Variants in SUPT20H observed in about 807,000 individuals in gnomAD.
The protein encoded by SUPT20H is transcription factor SPT20 homolog.
SUPT20H carries 82 observed loss-of-function variants against 122.8 expected under a neutral mutation model. The ratio of observed to expected loss-of-function variants is 0.67; its 90% CI spans 0.56 to 0.80. The LOEUF (loss-of-function observed/expected upper bound fraction) is 0.80. Ranked by LOEUF, SUPT20H falls within the 30% of genes least tolerant of loss-of-function variation. SUPT20H has a pLI of 0.00. For missense variants in SUPT20H, 831 were observed against 921.6 expected, an observed-to-expected ratio of 0.90 and a Z score of 1.27; for synonymous variants, 291 against 313.0, an observed-to-expected ratio of 0.93 and a Z score of 0.74.
rs530281657 is a variant in SUPT20H at position 37,031,640 on chromosome 13, A to C, written c.865-17T>G. On this transcript the variant is annotated splice_polypyrimidine_tract_variant and intron_variant, in intron 11 of 25. Transcript: ENST00000350612. ...ATCTACACACTGAAAAATTAAAAAC[A>C]ATATACTGAAAAATTAAAAACAATA... The C allele has an allele frequency of 6.4e-7, 1 of 1,555,840 alleles. No individual in the cohort carries two copies. Among genetic ancestry groups the C allele is most frequent in the African/African-American group, 1.4e-5 (1 of 72,162 alleles).
Position 37,012,261 on chromosome 13 carries a change from A to T in SUPT20H, c.2029T>A (p.Leu677Ile). 2 of 1,613,560 alleles carry T rather than the reference A, an allele frequency of 1.2e-6. No homozygotes were observed. Among genetic ancestry groups the T allele is most frequent in the South Asian group, 2.2e-5 (2 of 91,066 alleles). The change falls in exon 24 of 26, where the codon TTA becomes ATA. Residue 677 changes from leucine to isoleucine, a missense_variant. By Grantham distance (5) the Leu-to-Ile change is conservative. Coordinates refer to ENST00000350612, the MANE Select transcript of SUPT20H (RefSeq NM_001014286.3). ...EQGSTSQEQA[L>I]SAQQAAVINL... is the part of the protein sequence containing the mutation. ...ATAACAGCAGCTTGCTGAGCAGATAAGGCCTGTTCTTGACTGGTTGAACCT... is the reference window on the plus strand; with the variant it reads ...ATAACAGCAGCTTGCTGAGCAGATATGGCCTGTTCTTGACTGGTTGAACCT...
intron 13 of SUPT20H, 33 bp from the exon 14 acceptor site, chr13:37,028,338 T>A: frequency 6.3e-7 from 1 of 1,580,388 alleles, no homozygotes; most frequent in Non-Finnish European, 8.6e-7. Flanking sequence ...AATAAATACC[T>A]TCACAAGTAG....
intron 17 of SUPT20H, 143 bp downstream of exon 17, chr13:37,025,177 G>A (rs2062035720): frequency 2.9e-6 from 2 of 701,558 alleles, no homozygotes; most frequent in Non-Finnish European, 5.1e-6. Context: ...CCCGACCTCA[G>A]GTGATCCACC....
intron 10 of SUPT20H, among the ~76,000 whole-genome samples, chr13:37,032,524 AAGCAGAAACCCATT>A (rs1297391451): frequency 1.3e-5 from 2 of 152,172 alleles, no homozygotes; most frequent in Non-Finnish European, 2.9e-5. Flanking sequence ...TGCCTTGCTG[AAGCAGAAACCCATT>A]AGCAGAAACC....
At chr13:37,037,136 G>T (rs1395474848) in intron 9 of SUPT20H, among the ~76,000 whole-genome samples, 1 of 149,702 alleles carries the variant, frequency 6.7e-6, no homozygotes, top group Non-Finnish European at 1.5e-5. Flanking sequence ...GGCAGAGATT[G>T]CAGTGAGCTG....
intron 9 of SUPT20H, chr13:37,038,296 C>A (rs1310940593): frequency 6.6e-6 from 1 of 152,044 alleles, no homozygotes; most frequent in Non-Finnish European, 1.5e-5. Context: ...TTCTTTTGCA[C>A]CTATTAGCTG....
chr13:37,022,542 T>C lies in SUPT20H; in HGVS notation c.1592-462A>G, dbSNP rs901328497. The C allele has an allele frequency of 5.1e-5, 62 of 1,217,716 alleles. No individual in the cohort carries two copies. Among genetic ancestry groups the C allele is most frequent in the Non-Finnish European group, 6.1e-5 (60 of 979,204 alleles). The allele number at this position is 1,217,716 out of a possible 1,614,324, so 75.4% of individuals were successfully genotyped here. A position where few individuals can be genotyped will look rare whatever the true frequency, so the allele number is the denominator to read the frequency against. On this transcript the variant is annotated intron_variant, in intron 19 of 25. Coordinates refer to ENST00000350612, the MANE Select transcript of SUPT20H (RefSeq NM_001014286.3). This position sits in a 1 kb window ranked among gnomAD's most constrained non-coding sequence, Gnocchi z 4.5. Reference sequence around the variant, plus strand: ...CTAAAAATCCCATTAAAGATGCTATTGCAGTAACAGTAAAAATATACAGTT... The same window carrying C: ...CTAAAAATCCCATTAAAGATGCTATCGCAGTAACAGTAAAAATATACAGTT...
At chr13:37,025,083 A>C in intron 17 of SUPT20H, 1 of 396,336 alleles carries the variant, frequency 2.5e-6, no homozygotes, top group Non-Finnish European at 4.8e-6. Flanking sequence ...CTGGGATTAC[A>C]GGTGTGTGCC....
At chr13:37,046,149 TACAG>T (rs1001080486) in intron 5 of SUPT20H, among the ~76,000 whole-genome samples, 2 of 152,068 alleles carry the variant, frequency 1.3e-5, no homozygotes, top group Non-Finnish European at 2.9e-5. Flanking sequence ...CATACACACA[TACAG>T]AAAGAAGTGA....
Position 37,057,934 on chromosome 13 carries a change from A to G in SUPT20H, c.-94+1625T>C, listed in dbSNP as rs577840696. 5.1e-3 allele frequency among the ~76,000 whole-genome samples: 725 copies of G among 143,220 alleles called. 6 individuals are homozygous for G. The highest frequency in any genetic ancestry group is 0.018 in the African/African-American group (691 of 37,930). 94.0% of individuals were successfully genotyped at this position (143,220 alleles called of 152,430 possible). On this transcript the variant is annotated intron_variant, in intron 1 of 25. Transcript: ENST00000350612. ...GGCTGCAGTGAGCGAAGATCGCGCCACTGCACTGCAGCCTGGACGACATAG... is the reference window on the plus strand; with the variant it reads ...GGCTGCAGTGAGCGAAGATCGCGCCGCTGCACTGCAGCCTGGACGACATAG...
intron 10 of SUPT20H, among the ~76,000 whole-genome samples, chr13:37,032,665 C>G (rs904450569): frequency 2.0e-5 from 3 of 152,152 alleles, no homozygotes; most frequent in Non-Finnish European, 2.9e-5. Flanking sequence ...TCACTGGGAG[C>G]CCCCAGACTT....
Position 37,022,954 on chromosome 13 carries a change from A to T in SUPT20H, c.1592-874T>A. 1 of 1,244,744 alleles carries T rather than the reference A, an allele frequency of 8.0e-7. No homozygotes were observed. Among genetic ancestry groups the T allele is most frequent in the Non-Finnish European group, 1.0e-6 (1 of 967,428 alleles). 77.1% of individuals were successfully genotyped at this position (1,244,744 alleles called of 1,614,324 possible). On this transcript the variant is annotated intron_variant, in intron 19 of 25. Transcript: ENST00000350612. This position sits in a 1 kb window ranked among gnomAD's most constrained non-coding sequence, Gnocchi z 4.5. ...GTTGTGAATGAAGTATGCACAGTTT[A>T]TCAATTTTTTAAAAAACAAAAACAA... is the stretch of plus-strand genomic sequence containing the variant.
At chr13:37,010,010 C>T (rs2059306840) in intron 25 of SUPT20H, among the ~76,000 whole-genome samples, 1 of 152,156 alleles carries the variant, frequency 6.6e-6, no homozygotes, top group Non-Finnish European at 1.5e-5. Context: ...AAAAATGATT[C>T]TTGGCAAACT....
chr13:37,034,380 T>C (rs1157516831), intron 9 of SUPT20H, among the ~76,000 whole-genome samples: 2 of 152,252 alleles, frequency 1.3e-5, no homozygotes, highest in Admixed American at 6.5e-5. Flanking sequence ...AACAGCCTTA[T>C]TGCTGATACA....
intron 23 of SUPT20H, chr13:37,013,946 G>T (rs1332736410): frequency 6.6e-6 from 1 of 151,952 alleles, no homozygotes; most frequent in African/African-American, 2.4e-5. Context: ...AACTACAGGT[G>T]ATATCAATTT....
chr13:37,057,434 C>G (rs1158620039), intron 1 of SUPT20H, among the ~76,000 whole-genome samples: 5 of 150,814 alleles, frequency 3.3e-5, no homozygotes, highest in African/African-American at 4.9e-5. Context: ...TAAAGCACAA[C>G]TTCTGATGAC....
At chr13:37,024,234 A>G (rs1481605106) in intron 18 of SUPT20H, 41 bp from the exon 19 acceptor site, 1 of 1,564,234 alleles carries the variant, frequency 6.4e-7, no homozygotes, top group Non-Finnish European at 8.6e-7. Flanking sequence ...TTATAATTCA[A>G]ACTTCTGTGA....
At chr13:37,057,294 C>CAA (rs879863892) in intron 1 of SUPT20H, among the ~76,000 whole-genome samples, 1 of 137,188 alleles carries the variant, frequency 7.3e-6, no homozygotes, top group Admixed American at 7.3e-5. Context: ...GACCCTGTCT[C>CAA]AAAAAAAAAA....
intron 2 of SUPT20H, among the ~76,000 whole-genome samples, chr13:37,049,681 G>A (rs1365307017): frequency 6.6e-6 from 1 of 152,184 alleles, no homozygotes; most frequent in Admixed American, 6.5e-5. Context: ...AGAGGTTGCA[G>A]TGAGCCCAGA....
Sources: gnomAD v4.1 joint callset for allele counts (sites outside exome capture counted in the v4.1 genomes callset) on GRCh38, gnomAD v4.1.1 for gene constraint, Gnocchi (gnomAD v3.1) non-coding constraint, MANE v1.5 for transcripts, NCBI Gene and HGNC (gene_info 2026-07-23, HGNC 2026-07-21) for gene names.